The following TRAPPC2L variants were observed in gnomAD, a reference collection of about 807,000 sequenced individuals.
TRAPPC2L encodes the protein trafficking protein particle complex subunit 2-like protein.
Under a neutral mutation model 13.2 loss-of-function variants are expected in TRAPPC2L, and 17 were observed. The ratio of observed to expected loss-of-function variants is 1.29; its 90% CI spans 0.88 to 1.93. The LOEUF (loss-of-function observed/expected upper bound fraction) is 1.93, where lower values mean the gene tolerates loss of function less well. Among genes scored for constraint, TRAPPC2L ranks in the 30% most tolerant of loss-of-function variants. The pLI is 0.00. For synonymous variants in TRAPPC2L, 150 were observed against 98.1 expected (o/e 1.53, Z -3.12); for missense variants, 359 against 252.1 (o/e 1.42, Z -2.87).
intron 2 of TRAPPC2L, chr16:88,859,086 T>A: frequency 4.2e-6 from 2 of 476,874 alleles, no homozygotes; most frequent in South Asian, 4.3e-5. Flanking sequence ...GATTTCTTTC[T>A]GTGCTTTTCA....
intron 2 of TRAPPC2L, chr16:88,859,077 A>G: frequency 2.1e-6 from 1 of 487,196 alleles, no homozygotes; most frequent in Non-Finnish European, 3.7e-6. Context: ...ACCTGCAAGG[A>G]TTTCTTTCTG....
chr16:88,856,457 G>A (rs745565821), upstream of TRAPPC2L: 3 of 700,462 alleles, frequency 4.3e-6, no homozygotes, highest in South Asian at 3.0e-5. Flanking sequence ...CCACCTGCCA[G>A]GGAGGACGCT....
rs551619455 is a variant in TRAPPC2L at position 88,858,495 on chromosome 16, G to C, written c.34-124G>C. On this transcript the variant is annotated intron_variant, in intron 1 of 3. Coordinates refer to ENST00000565504, the Ensembl canonical transcript of TRAPPC2L. ...ACTGCGGCATAGAGAATGAAGCGGT[G>C]GGCCTTAGAGCATGGGAATGCGTTC... 11 of 971,604 alleles carry C rather than the reference G, an allele frequency of 1.1e-5. No individual in the cohort carries two copies. The South Asian group carries it at 1.8e-4, about 16-fold the overall frequency. The allele number at this position is 971,604 out of a possible 1,614,324, so 60.2% of individuals were successfully genotyped here. A position where few individuals can be genotyped will look rare whatever the true frequency, so the allele number is the denominator to read the frequency against.
At chr16:88,861,368 CCTAGGAT>C (rs1199166894) in exon 4 of TRAPPC2L, 5 of 353,616 alleles carry the variant, frequency 1.4e-5, no homozygotes, top group Non-Finnish European at 2.8e-5. Flanking sequence ...CCAGAACCAG[CCTAGGAT>C]CTAGGGGCAC....
chr16:88,860,457 C>A (rs764247041), exon 4 of TRAPPC2L: 5 of 603,048 alleles, frequency 8.3e-6, no homozygotes, highest in Non-Finnish European at 1.5e-5. Context: ...TCCAGACTTG[C>A]TTTCAGTGAG....
chr16:88,861,230 G>T (rs1968367807), exon 4 of TRAPPC2L: 2 of 497,202 alleles, frequency 4.0e-6, no homozygotes, highest in Admixed American at 3.3e-5. Flanking sequence ...CCTGTCCTCA[G>T]TTGTCCCAAA....
At chr16:88,857,386 C>T (rs1257597765) in intron 1 of TRAPPC2L, 2 of 525,178 alleles carry the variant, frequency 3.8e-6, no homozygotes, top group East Asian at 7.1e-5. Flanking sequence ...GCTCGCCCGT[C>T]CCGCTGCTGA....
exon 4 of TRAPPC2L, chr16:88,861,760 A>C (rs1273202429): frequency 1.1e-5 from 5 of 450,814 alleles, no homozygotes; most frequent in African/African-American, 1.0e-4. Context: ...TGGTTCCAGC[A>C]CTGGTCCAGG....
chr16:88,861,047 G>A, exon 4 of TRAPPC2L: 1 of 1,316,454 alleles, frequency 7.6e-7, no homozygotes, highest in Non-Finnish European at 1.1e-6. Flanking sequence ...TTCCTGAATG[G>A]GACGCCTGGG....
chr16:88,857,174 T>G (rs1967979056), exon 1 of TRAPPC2L: 2 of 1,581,216 alleles, frequency 1.3e-6, no homozygotes, highest in Non-Finnish European at 1.7e-6. Flanking sequence ...TCGCGGTGAT[T>G]GCCAAGGAGG....
rs561271827 is a variant in TRAPPC2L, at chr16:88,859,775, C to T, written c.294+25C>T. ...CGTAAGTCAGGGAGTTAGAGGGCCA[C>T]GCCCGAGTGGGTGTTTTGTTTTTCC... On this transcript the variant is annotated intron_variant, in intron 3 of 3. Transcript: ENST00000565504. 42 of 1,602,218 alleles carry T rather than the reference C, an allele frequency of 2.6e-5. 1 individual carries two copies. In the South Asian group the frequency reaches 3.2e-4, roughly 12 times the overall value.
chr16:88,860,278 A>G (rs2143016787), exon 4 of TRAPPC2L: 1 of 701,308 alleles, frequency 1.4e-6, no homozygotes. Flanking sequence ...GGCCAAGCAC[A>G]TGGGCAGTGG....
At chr16:88,861,275 C>T (rs2143017460) in exon 4 of TRAPPC2L, 2 of 419,258 alleles carry the variant, frequency 4.8e-6, no homozygotes, top group East Asian at 5.2e-5. Flanking sequence ...GCCAAGAGTT[C>T]CTGAGCCTGC....
chr16:88,861,556 C>T (rs886238198), exon 4 of TRAPPC2L: 5 of 460,988 alleles, frequency 1.1e-5, no homozygotes, highest in African/African-American at 1.0e-4. Context: ...CAGCCCTGGT[C>T]CTAAACCTTG....
At position 88,859,878 on chromosome 16, in the gene TRAPPC2L, C is replaced by G; in HGVS notation, c.295-15C>G. The G allele has an allele frequency of 6.3e-7, 1 of 1,575,218 alleles. No homozygotes were observed. Among genetic ancestry groups the G allele is most frequent in the Non-Finnish European group, 8.6e-7 (1 of 1,160,114 alleles). On this transcript the variant is annotated splice_polypyrimidine_tract_variant and intron_variant, in intron 3 of 3. Transcript: ENST00000565504. ...GTGTATGTGGCAAGGTCATGGTTTG[C>G]TGGGTCTTTTTCAGATGTTCCGGAA...
exon 4 of TRAPPC2L, chr16:88,862,146 A>G (rs959936912): frequency 1.3e-5 from 2 of 154,696 alleles, no homozygotes; most frequent in Admixed American, 6.5e-5. Flanking sequence ...GCACTTCCCC[A>G]TTGCAGCCTG....
intron 3 of TRAPPC2L, 52 bp downstream of exon 3, chr16:88,859,802 TTTTGAC>T (rs1308292512): frequency 6.3e-7 from 1 of 1,592,756 alleles, no homozygotes; most frequent in South Asian, 1.1e-5. Flanking sequence ...TGTTTTTCCT[TTTTGAC>T]TTTGTTTTGA....
rs751046231 is a variant in TRAPPC2L at position 88,857,155 on chromosome 16, C to G, written c.5C>G (p.Ala2Gly). ...CCTGGCGCCGAGCCTCCCAAGATGG[C>G]GGTGTGCATCGCGGTGATTGCCAAG... The change falls in exon 1 of 4, where the codon GCG becomes GGG. Residue 2 changes from alanine (A) to glycine (G), a missense_variant. Physicochemically the swap from Ala to Gly is moderately conservative, Grantham distance 60. Transcript: ENST00000565504. 2.5e-6 allele frequency: 4 copies of G among 1,582,056 alleles called. No individual in the cohort carries two copies. The highest frequency in any genetic ancestry group is 2.6e-6 in the Non-Finnish European group (3 of 1,169,702).
chr16:88,859,727 C>T (rs896896409), exon 3 of TRAPPC2L: 9 of 1,613,864 alleles, frequency 5.6e-6, no homozygotes, highest in Admixed American at 1.7e-5. Context: ...CAACACAGCC[C>T]TTCGAGACAA....
Sources: allele counts gnomAD v4.1 joint callset, GRCh38; gene constraint gnomAD v4.1.1; transcripts MANE v1.5; gene names NCBI Gene and HGNC (gene_info 2026-07-23, HGNC 2026-07-21).